The following RPS3 variants were observed in gnomAD, a reference collection of about 807,000 sequenced individuals.
The protein encoded by RPS3 is ribosomal protein S3.
RPS3 carries 2 observed loss-of-function variants against 25.8 expected under a neutral mutation model. The observed-to-expected ratio is 0.08, with a 90% CI of 0.03 to 0.24. The LOEUF (loss-of-function observed/expected upper bound fraction) is 0.24, where lower values mean the gene tolerates loss of function less well. RPS3 is among the 10% of genes least tolerant of loss of function. RPS3 has a pLI of 1.00. For missense variants in RPS3, 107 were observed against 307.1 expected (o/e 0.35, Z 4.87); for synonymous variants, 114 against 114.2 (o/e 1.00, Z 0.01).
downstream of RPS3, among the ~76,000 whole-genome samples, chr11:75,411,674 G>A (rs915255607): frequency 6.6e-6 from 1 of 152,218 alleles, no homozygotes; most frequent in Non-Finnish European, 1.5e-5. Context: ...ACAGGTGTGA[G>A]CCACTGCACC....
At chr11:75,415,613 C>T (rs1948388491) in intron 6 of RPS3, among the ~76,000 whole-genome samples, 1 of 152,164 alleles carries the variant, frequency 6.6e-6, no homozygotes, top group Non-Finnish European at 1.5e-5. Flanking sequence ...CAAGACCAGC[C>T]TGGCCAAGAT....
At chr11:75,410,776 G>A (rs1216747852), downstream of RPS3, among the ~76,000 whole-genome samples, 10 of 152,216 alleles carry the variant, frequency 6.6e-5, no homozygotes, top group African/African-American at 2.4e-4. Flanking sequence ...TCGCGGTTAG[G>A]AGCTGGAGAC....
At chr11:75,399,728 TTGAG>T in intron 1 of RPS3, 151 bp downstream of exon 1, 1 of 679,648 alleles carries the variant, frequency 1.5e-6, no homozygotes, top group Non-Finnish European at 2.6e-6. Flanking sequence ...TGGCGGTGGA[TTGAG>T]TGAGAGGCCC....
intron 6 of RPS3, among the ~76,000 whole-genome samples, chr11:75,414,585 T>G (rs1271857961): frequency 2.0e-5 from 3 of 150,406 alleles, no homozygotes. Context: ...CACTCCAGCC[T>G]GGGCGACAGA....
chr11:75,410,433 C>T (rs907497068), downstream of RPS3, among the ~76,000 whole-genome samples: 2 of 151,586 alleles, frequency 1.3e-5, no homozygotes, highest in South Asian at 2.1e-4. Context: ...GATGGGATGG[C>T]GGCGGGGAAG....
intron 4 of RPS3, chr11:75,403,732 A>G (rs1224752105): frequency 1.4e-5 from 4 of 286,450 alleles, no homozygotes; most frequent in African/African-American, 2.2e-5. Context: ...GGCCTAGAGT[A>G]GGGCCTAGAT....
chr11:75,403,809 A>C, intron 4 of RPS3: 1 of 507,636 alleles, frequency 2.0e-6, no homozygotes, highest in East Asian at 3.2e-5. Context: ...CAGGGTTGGA[A>C]AGTACATATT....
downstream of RPS3, among the ~76,000 whole-genome samples, chr11:75,407,455 C>T (rs1380897646): frequency 2.6e-5 from 4 of 151,276 alleles, no homozygotes; most frequent in Non-Finnish European, 2.9e-5. Context: ...CTTACTTGAA[C>T]ATCCGCAAAT....
At chr11:75,405,024 A>G (rs548208880) in intron 6 of RPS3, 156 bp downstream of exon 6, 6 of 536,086 alleles carry the variant, frequency 1.1e-5, no homozygotes, top group South Asian at 3.6e-5. Context: ...CCTGGGGTCT[A>G]TTTAACCCTT....
intron 6 of RPS3, among the ~76,000 whole-genome samples, chr11:75,418,256 C>T (rs1233413036): frequency 6.6e-6 from 1 of 152,242 alleles, no homozygotes; most frequent in Non-Finnish European, 1.5e-5. Flanking sequence ...GCCAGGACCA[C>T]CCCACCCATT....
At position 75,402,369 on chromosome 11, in the gene RPS3, G is replaced by A. The variant is rs1397329747; in HGVS notation, c.273G>A (p.Val91=). 1 of 1,613,916 alleles carries A rather than the reference G, an allele frequency of 6.2e-7. No homozygotes were observed. Among genetic ancestry groups the A allele is most frequent in the Non-Finnish European group, 8.5e-7 (1 of 1,179,766 alleles). The part of the protein sequence containing the change: ...EGSVELYAEK[V]ATRGLCAIAQ... ...CTTTAAAGCTTTATGCTGAAAAGGT[G>A]GCCACTAGAGGTCTGTGTGCCATTG... Residue 91 remains valine, a synonymous_variant, in exon 4 of 7, where the codon GTG becomes GTA. Coordinates refer to ENST00000531188, the MANE Select transcript of RPS3 (RefSeq NM_001005.5).
chr11:75,402,544 A>G, intron 4 of RPS3, 98 bp downstream of exon 4: 1 of 1,260,606 alleles, frequency 7.9e-7, no homozygotes, highest in Non-Finnish European at 1.1e-6. Context: ...ACAAAGTTAC[A>G]GGATCTGCTA....
At chr11:75,419,701 T>G (rs929304745) in intron 6 of RPS3, among the ~76,000 whole-genome samples, 2 of 152,192 alleles carry the variant, frequency 1.3e-5, no homozygotes, top group African/African-American at 4.8e-5. Context: ...TGACACAACC[T>G]AGGCTCACTG....
chr11:75,418,167 G>T (rs1948414514), intron 6 of RPS3, among the ~76,000 whole-genome samples: 1 of 152,224 alleles, frequency 6.6e-6, no homozygotes, highest in African/African-American at 2.4e-5. Flanking sequence ...GGATGGGCAG[G>T]CTGGCATTGG....
At chr11:75,408,843 C>A (rs542061265), downstream of RPS3, among the ~76,000 whole-genome samples, 3 of 152,196 alleles carry the variant, frequency 2.0e-5, no homozygotes, top group African/African-American at 7.2e-5. Context: ...GCCTACTCTT[C>A]TACATCTTTT....
Position 75,400,713 on chromosome 11 carries a change from T to G in RPS3, c.50T>G (p.Phe17Cys). The G allele has an allele frequency of 6.2e-7, 1 of 1,613,126 alleles. No individual in the cohort carries two copies. The highest frequency in any genetic ancestry group is 8.5e-7 in the Non-Finnish European group (1 of 1,179,434). ...GATTAGTTTGTCGCTGATGGCATCT[T>G]CAAAGCTGAACTGAATGAGTTTCTT... ...KKRKFVADGI[F>C]KAELNEFLTR... is the part of the protein sequence containing the mutation. Residue 17 changes from phenylalanine to cysteine, a missense_variant, in exon 2 of 7, where the codon TTC becomes TGC. Coordinates refer to ENST00000531188, the MANE Select transcript of RPS3 (RefSeq NM_001005.5).
intron 3 of RPS3, 37 bp from the exon 4 acceptor site, chr11:75,402,315 G>A: frequency 6.3e-7 from 1 of 1,593,502 alleles, no homozygotes; most frequent in Non-Finnish European, 8.5e-7. Context: ...TGAAAATAAT[G>A]GTGATGGTAA....
chr11:75,409,715 G>A (rs1216261198), downstream of RPS3, among the ~76,000 whole-genome samples: 201 of 149,052 alleles, frequency 1.3e-3, 1 homozygote, highest in African/African-American at 4.8e-3. Flanking sequence ...CCTCCCAGAC[G>A]GGGTCGTGGC....
chr11:75,421,930 A>G (rs746844296), exon 7 of RPS3: 4 of 152,232 alleles, frequency 2.6e-5, no homozygotes, highest in Non-Finnish European at 5.9e-5. Context: ...AACTGTTAAT[A>G]TATATAGTGT....
Sources: allele counts gnomAD v4.1 joint callset (sites outside exome capture counted in the v4.1 genomes callset), GRCh38; gene constraint gnomAD v4.1.1; transcripts MANE v1.5; gene names NCBI Gene and HGNC (gene_info 2026-07-23, HGNC 2026-07-21).